GPATCH1: variants seen among roughly 807,000 people sequenced by gnomAD.
GPATCH1 encodes G patch domain-containing protein 1.
GPATCH1 carries 73 observed loss-of-function variants against 114.9 expected under a neutral mutation model. The ratio of observed to expected loss-of-function variants is 0.64; its 90% confidence interval spans 0.53 to 0.77. The LOEUF (loss-of-function observed/expected upper bound fraction) is 0.77, where lower values mean the gene tolerates loss of function less well. GPATCH1 is among the 30% of genes least tolerant of loss of function. The probability of loss-of-function intolerance (pLI) is 0.00; values close to 1 mark genes in which losing one functional copy is unlikely to be tolerated. For synonymous variants in GPATCH1, 391 were observed against 428.4 expected (o/e 0.91, Z 1.08); for missense variants, 1,058 against 1,144.3 (o/e 0.92, Z 1.09).
At chr19:33,111,698 C>T in intron 11 of GPATCH1, 26 bp from the exon 12 acceptor site, 2 of 1,609,114 alleles carry the variant, frequency 1.2e-6, no homozygotes, top group Non-Finnish European at 1.7e-6. Context: ...AAAAGTGAAG[C>T]TGCTTCTTGT....
intron 10 of GPATCH1, among the ~76,000 whole-genome samples, chr19:33,107,925 T>C (rs191166658): frequency 3.9e-5 from 6 of 152,250 alleles, no homozygotes; most frequent in Non-Finnish European, 1.5e-5. Flanking sequence ...TGTGTATACA[T>C]GTGCCACGTT....
At chr19:33,128,569 C>CT (rs1201628832) in intron 19 of GPATCH1, among the ~76,000 whole-genome samples, 1 of 152,058 alleles carries the variant, frequency 6.6e-6, no homozygotes, top group Non-Finnish European at 1.5e-5. Context: ...CTAAAAAAAT[C>CT]TTTTTTGTAG....
At chr19:33,112,783 A>G (rs1022602467) in intron 13 of GPATCH1, 170 bp downstream of exon 13, 4 of 506,892 alleles carry the variant, frequency 7.9e-6, no homozygotes, top group African/African-American at 2.0e-5. Context: ...AATTACTTCT[A>G]TAATTTGTTA....
intron 2 of GPATCH1, among the ~76,000 whole-genome samples, chr19:33,089,883 G>A (rs1972575615): frequency 1.3e-5 from 2 of 151,948 alleles, no homozygotes; most frequent in African/African-American, 4.8e-5. Flanking sequence ...GCTTCCCCAA[G>A]TGCTGGGATT....
At chr19:33,082,814 A>G (rs1256271899) in intron 1 of GPATCH1, among the ~76,000 whole-genome samples, 2 of 152,070 alleles carry the variant, frequency 1.3e-5, no homozygotes, top group African/African-American at 2.4e-5. Flanking sequence ...TTCTTTTTTT[A>G]TAGAGACAGG....
At chr19:33,119,863 T>G (rs554045450) in intron 17 of GPATCH1, among the ~76,000 whole-genome samples, 98 of 148,638 alleles carry the variant, frequency 6.6e-4, no homozygotes, top group Non-Finnish European at 1.3e-3. Context: ...CTACTATAAT[T>G]TTTATAAAAA....
At chr19:33,107,910 T>C (rs1470247462) in intron 10 of GPATCH1, among the ~76,000 whole-genome samples, 3 of 152,160 alleles carry the variant, frequency 2.0e-5, no homozygotes, top group African/African-American at 4.8e-5. Context: ...TGCAGGTTTG[T>C]TACATGTGTA....
intron 16 of GPATCH1, among the ~76,000 whole-genome samples, chr19:33,118,366 A>G (rs1452405023): frequency 6.6e-6 from 1 of 151,508 alleles, no homozygotes; most frequent in Non-Finnish European, 1.5e-5. Flanking sequence ...TTTAGTAGAG[A>G]TGGGGTTTCA....
At chr19:33,123,861 C>CT (rs1199482309) in intron 17 of GPATCH1, among the ~76,000 whole-genome samples, 4 of 147,132 alleles carry the variant, frequency 2.7e-5, no homozygotes, top group Non-Finnish European at 6.0e-5. Flanking sequence ...TTCTTTTTTT[C>CT]TTTTTTTTCT....
At chr19:33,120,188 A>T (rs187350755) in intron 17 of GPATCH1, among the ~76,000 whole-genome samples, 1 of 139,848 alleles carries the variant, frequency 7.2e-6, no homozygotes, top group African/African-American at 2.7e-5. Flanking sequence ...ATATATAAAT[A>T]CATATTAAAA....
intron 18 of GPATCH1, among the ~76,000 whole-genome samples, chr19:33,125,754 AAAT>A (rs1973034462): frequency 6.6e-6 from 1 of 152,200 alleles, no homozygotes; most frequent in East Asian, 1.9e-4. Context: ...GGTGAATATT[AAAT>A]AATAAAACAA....
At chr19:33,116,808 C>T (rs1270625848) in intron 15 of GPATCH1, among the ~76,000 whole-genome samples, 3 of 152,050 alleles carry the variant, frequency 2.0e-5, no homozygotes, top group Non-Finnish European at 4.4e-5. Context: ...GGATTACAGG[C>T]GTGAGCCACT....
At chr19:33,096,042 T>C (rs1450775840) in intron 6 of GPATCH1, among the ~76,000 whole-genome samples, 165 bp from the exon 7 acceptor site, 1 of 152,242 alleles carries the variant, frequency 6.6e-6, no homozygotes, top group Non-Finnish European at 1.5e-5. Context: ...GAGTTGGTGT[T>C]AGCATCCTTT....
At chr19:33,119,394 A>G (rs770831780) in intron 17 of GPATCH1, among the ~76,000 whole-genome samples, 4 of 152,118 alleles carry the variant, frequency 2.6e-5, no homozygotes, top group Non-Finnish European at 5.9e-5. Context: ...AAGTTTCCCA[A>G]CAGAGCTTAA....
At chr19:33,094,626 C>A (rs1034514220) in intron 5 of GPATCH1, among the ~76,000 whole-genome samples, 3 of 152,102 alleles carry the variant, frequency 2.0e-5, no homozygotes, top group Non-Finnish European at 4.4e-5. Context: ...ATGACAGCTT[C>A]CAGAAAGGCT....
At chr19:33,128,815 A>G (rs898852769) in intron 19 of GPATCH1, among the ~76,000 whole-genome samples, 1 of 152,174 alleles carries the variant, frequency 6.6e-6, no homozygotes, top group Non-Finnish European at 1.5e-5. Flanking sequence ...CCTTCTTGTG[A>G]GCACACCACG....
intron 15 of GPATCH1, among the ~76,000 whole-genome samples, chr19:33,115,434 C>T (rs1004871100): frequency 1.0e-4 from 15 of 150,528 alleles, no homozygotes; most frequent in Non-Finnish European, 1.6e-4. Flanking sequence ...TTAGTGTTTG[C>T]GTAGTATATA....
chr19:33,115,225 ATTTTTTTT>A (rs71176196), intron 15 of GPATCH1, among the ~76,000 whole-genome samples: 1 of 56,862 alleles, frequency 1.8e-5, no homozygotes, highest in Admixed American at 3.2e-4. Context: ...TGCCTGGCTA[ATTTTTTTT>A]TTTTTTTTTT....
chr19:33,114,123 C>T, intron 14 of GPATCH1, 130 bp from the exon 15 acceptor site: 1 of 962,416 alleles, frequency 1.0e-6, no homozygotes. Context: ...CCACCTACCT[C>T]CCCAGGACCC....
Sources: gnomAD v4.1 joint callset for allele counts (sites outside exome capture counted in the v4.1 genomes callset) on GRCh38, gnomAD v4.1.1 for gene constraint, MANE v1.5 for transcripts, NCBI Gene and HGNC (gene_info 2026-07-23, HGNC 2026-07-21) for gene names.